The following KDM2A variants were observed in gnomAD, a reference collection of about 807,000 sequenced individuals.
KDM2A encodes the protein lysine-specific demethylase 2A.
A neutral mutation model predicts 137.3 loss-of-function variants in KDM2A; 3 were observed. That is an observed-to-expected ratio of 0.02 (90% CI 0.01 to 0.06). The LOEUF (loss-of-function observed/expected upper bound fraction) is 0.06. KDM2A is among the 10% of genes least tolerant of loss of function. The pLI, the probability that KDM2A is intolerant of heterozygous loss-of-function variation, is 1.00. For missense variants in KDM2A, 738 were observed against 1,510.6 expected (o/e 0.49, Z 8.48); for synonymous variants, 512 against 541.5 (o/e 0.95, Z 0.76).
At chr11:67,200,797 A>G (rs552532394) in intron 5 of KDM2A, among the ~76,000 whole-genome samples, 1 of 152,308 alleles carries the variant, frequency 6.6e-6, no homozygotes, top group South Asian at 2.1e-4. Flanking sequence ...ATGAGCTACC[A>G]TGCCTTGCCT....
At chr11:67,215,736 C>A in intron 7 of KDM2A, 120 bp from the exon 8 acceptor site, 1 of 777,448 alleles carries the variant, frequency 1.3e-6, no homozygotes. Flanking sequence ...TTTTCTCCTT[C>A]TGGAACTTAA....
chr11:67,245,839 C>G lies in KDM2A; in HGVS notation c.1834-146C>G, dbSNP rs1466507133. ...CCCCAGTCATTTTTCCTACCCAAAA[C>G]CTCCGTTCTCTCCACCCTGCCTCCA... On this transcript the variant is annotated intron_variant, in intron 14 of 20. Transcript: ENST00000529006. The surrounding 1 kb of genome is among the most constrained non-coding windows in gnomAD (Gnocchi z 4.1). The G allele has an allele frequency of 2.1e-6, 2 of 938,180 alleles. No homozygotes were observed. Among genetic ancestry groups the G allele is most frequent in the Middle Eastern group, 3.0e-4 (1 of 3,330 alleles). 58.1% of individuals were successfully genotyped at this position (938,180 alleles called of 1,614,324 possible). A position where few individuals can be genotyped will look rare whatever the true frequency, so the allele number is the denominator to read the frequency against.
Position 67,248,398 on chromosome 11 carries a change from G to A in KDM2A, c.2055+28G>A, listed in dbSNP as rs917014717. 7 of 1,505,838 alleles carry A rather than the reference G, an allele frequency of 4.6e-6. No individual in the cohort carries two copies. The African/African-American group carries it at 5.5e-5, about 12-fold the overall frequency. The allele number at this position is 1,505,838 out of a possible 1,614,324, so 93.3% of individuals were successfully genotyped here. The stretch of plus-strand genomic sequence containing the variant: ...AAAGGAACCTTATCAGATTTGCACT[G>A]TGACAGAAAGGAGGCATCAAATGTG... On this transcript the variant is annotated intron_variant, in intron 16 of 20. Transcript: ENST00000529006.
chr11:67,231,384 T>C (rs3927807), intron 11 of KDM2A, among the ~76,000 whole-genome samples, 182 bp from the exon 12 acceptor site: 110,389 of 152,046 alleles, frequency 0.73, 45,968 homozygotes, highest in Non-Finnish European at 0.93. Flanking sequence ...GGATCCTGTT[T>C]CTACCTGTTA....
At chr11:67,149,269 C>T (rs1054900755) in intron 2 of KDM2A, 2 of 151,984 alleles carry the variant, frequency 1.3e-5, no homozygotes, top group African/African-American at 2.4e-5. Context: ...ACTTCTTAAC[C>T]TTTCTGAGTC....
At chr11:67,155,578 A>G (rs529365654) in intron 2 of KDM2A, among the ~76,000 whole-genome samples, 8 of 152,168 alleles carry the variant, frequency 5.3e-5, no homozygotes, top group Non-Finnish European at 1.2e-4. Flanking sequence ...TGCTGGGATT[A>G]CAGGAGTGAG....
Position 67,228,179 on chromosome 11 carries a change from A to G in KDM2A, c.1084+16A>G, listed in dbSNP as rs1858602983. ...CTCAGCATGGGTAAGTATTCTGCCT[A>G]TAGGAGCTTTGAAGACACCGCTTAG... On this transcript the variant is annotated intron_variant, in intron 11 of 20. Transcript: ENST00000529006. 4 of 1,613,104 alleles carry G rather than the reference A, an allele frequency of 2.5e-6. No individual in the cohort carries two copies. Among genetic ancestry groups the G allele is most frequent in the South Asian group, 1.1e-5 (1 of 91,062 alleles).
intron 6 of KDM2A, among the ~76,000 whole-genome samples, chr11:67,208,183 A>G (rs1359230796): frequency 1.3e-5 from 2 of 151,946 alleles, no homozygotes; most frequent in Non-Finnish European, 2.9e-5. Flanking sequence ...GATAAGAATA[A>G]CTGCATTTTC....
intron 5 of KDM2A, among the ~76,000 whole-genome samples, chr11:67,207,046 AC>A (rs1306766024): frequency 2.6e-5 from 4 of 152,212 alleles, no homozygotes; most frequent in Non-Finnish European, 5.9e-5. Context: ...TCAGTCTGTT[AC>A]CCACTAAATT....
chr11:67,165,315 T>TCTC (rs1220039165), intron 2 of KDM2A, among the ~76,000 whole-genome samples: 1 of 151,706 alleles, frequency 6.6e-6, no homozygotes, highest in Non-Finnish European at 1.5e-5. Flanking sequence ...AGAGACGAGG[T>TCTC]TTCTCCATGC....
intron 15 of KDM2A, among the ~76,000 whole-genome samples, chr11:67,247,034 A>ATTTT (rs1278672948): frequency 1.9e-4 from 12 of 64,182 alleles, no homozygotes; most frequent in African/African-American, 8.3e-4. Flanking sequence ...GTTATAAATT[A>ATTTT]TTTTATATAT....
intron 15 of KDM2A, among the ~76,000 whole-genome samples, chr11:67,246,353 G>A (rs1212782269): frequency 6.6e-6 from 1 of 152,118 alleles, no homozygotes; most frequent in East Asian, 1.9e-4. Context: ...TGTCCTCATG[G>A]AGCTTAGAAT....
chr11:67,190,201 G>A (rs1344853230), intron 5 of KDM2A, among the ~76,000 whole-genome samples: 1 of 152,218 alleles, frequency 6.6e-6, no homozygotes, highest in Non-Finnish European at 1.5e-5. Context: ...CCTGAGGTGA[G>A]GAGTTCGAGA....
chr11:67,171,727 A>G (rs879734306), intron 2 of KDM2A, among the ~76,000 whole-genome samples: 3 of 152,202 alleles, frequency 2.0e-5, no homozygotes, highest in Admixed American at 2.0e-4. Context: ...ATTTGATACA[A>G]ACTAGGTCTC....
intron 2 of KDM2A, 108 bp from the exon 3 acceptor site, chr11:67,179,971 C>A: frequency 9.5e-7 from 1 of 1,056,598 alleles, no homozygotes; most frequent in Non-Finnish European, 1.4e-6. Flanking sequence ...AGGAAAATAG[C>A]AACTGAGTTT....
intron 1 of KDM2A, among the ~76,000 whole-genome samples, chr11:67,120,497 G>C (rs1433982504): frequency 6.6e-6 from 1 of 152,184 alleles, no homozygotes. Flanking sequence ...CGCGCCGGCC[G>C]GTCTTTTATT....
rs561050423 is a variant in KDM2A at position 67,137,254 on chromosome 11, T to C, written c.42+15896T>C. 1.4e-4 allele frequency among the ~76,000 whole-genome samples: 21 copies of C among 152,264 alleles called. No homozygotes were observed. The South Asian group carries it at 4.3e-3, about 32-fold the overall frequency. On this transcript the variant is annotated intron_variant, in intron 2 of 20. Transcript: ENST00000529006. ...GACAAGGTAGACAGGTCAGATCAAATAGGGCATTATCCTGAAGCCATTGGG... is the reference window on the plus strand; with the variant it reads ...GACAAGGTAGACAGGTCAGATCAAACAGGGCATTATCCTGAAGCCATTGGG...
chr11:67,123,922 C>T (rs981251321), intron 2 of KDM2A, among the ~76,000 whole-genome samples: 1 of 151,656 alleles, frequency 6.6e-6, no homozygotes, highest in African/African-American at 2.4e-5. Context: ...GATGATCCGC[C>T]TGTCTTGGCC....
intron 5 of KDM2A, among the ~76,000 whole-genome samples, chr11:67,187,239 TGAG>T (rs920631037): frequency 6.6e-6 from 1 of 152,134 alleles, no homozygotes; most frequent in Admixed American, 6.5e-5. Flanking sequence ...TTTAGGAAAA[TGAG>T]GAACAAAGCT....
Sources: gnomAD v4.1 joint callset for allele counts (sites outside exome capture counted in the v4.1 genomes callset) on GRCh38, gnomAD v4.1.1 for gene constraint, Gnocchi (gnomAD v3.1) non-coding constraint, MANE v1.5 for transcripts, NCBI Gene and HGNC (gene_info 2026-07-23, HGNC 2026-07-21) for gene names.